Variants in MROH2B observed in about 807,000 individuals in gnomAD.
MROH2B encodes maestro heat like repeat family member 2B.
Under a neutral mutation model 208.6 loss-of-function variants are expected in MROH2B, and 177 were observed. The ratio of observed to expected loss-of-function variants is 0.85; its 90% CI spans 0.75 to 0.96. The LOEUF is 0.96. Among genes scored for constraint, MROH2B ranks in the 40% least tolerant of loss-of-function variants. MROH2B has a pLI of 0.00. For missense variants in MROH2B, 2,002 were observed against 1,878.7 expected (o/e 1.07, Z -1.21); for synonymous variants, 728 against 659.0 (o/e 1.10, Z -1.60).
At chr5:41,032,184 A>G (rs900558320) in intron 24 of MROH2B, among the ~76,000 whole-genome samples, 3 of 152,128 alleles carry the variant, frequency 2.0e-5, no homozygotes, top group Non-Finnish European at 4.4e-5. Flanking sequence ...ACTAGTTTAC[A>G]TTGCCAGCTG....
At chr5:40,998,435 C>T (rs1172745422) in intron 41 of MROH2B, among the ~76,000 whole-genome samples, 177 bp downstream of exon 41, 1 of 152,140 alleles carries the variant, frequency 6.6e-6, no homozygotes, top group Non-Finnish European at 1.5e-5. Flanking sequence ...CTGCAAAGGG[C>T]TGGAGCTGGA....
In MROH2B at chr5:41,036,746, C is replaced by T. The variant is rs150781262; in HGVS notation, c.2214+1990G>A. On this transcript the variant is annotated intron_variant, in intron 21 of 41. Coordinates refer to ENST00000399564, the MANE Select transcript of MROH2B (RefSeq NM_173489.5). Reference sequence around the variant, plus strand: ...TGCTCACTACCTGGGTGCAATACACCCATGCAACAAACCTGCACGTGTACC... The same window carrying T: ...TGCTCACTACCTGGGTGCAATACACTCATGCAACAAACCTGCACGTGTACC... Among the ~76,000 whole-genome samples the T allele has an allele frequency of 3.3e-5, 5 of 151,950 alleles. No homozygotes were observed. The East Asian group carries it at 9.7e-4, about 30-fold the overall frequency.
Position 41,039,575 on chromosome 5 carries a change from G to C in MROH2B, c.1954-20C>G. 6.7e-7 allele frequency: 1 copy of C among 1,485,680 alleles called. No homozygotes were observed. Among genetic ancestry groups the C allele is most frequent in the South Asian group, 1.2e-5 (1 of 80,492 alleles). 92.0% of individuals were successfully genotyped at this position (1,485,680 alleles called of 1,614,324 possible). The stretch of plus-strand genomic sequence containing the variant: ...TATTCCCTAAAATCAGAAAAGGTAT[G>C]ACATTTTGAGTTTAACCATTTATTT... On this transcript the variant is annotated intron_variant, in intron 19 of 41. Coordinates refer to ENST00000399564, the MANE Select transcript of MROH2B (RefSeq NM_173489.5).
chr5:41,001,392 T>C (rs187199154), intron 37 of MROH2B, among the ~76,000 whole-genome samples: 49 of 152,126 alleles, frequency 3.2e-4, no homozygotes, highest in African/African-American at 1.1e-3. Flanking sequence ...TTGTTTTTGG[T>C]CCAGGATGGC....
intron 5 of MROH2B, 103 bp from the exon 6 acceptor site, chr5:41,061,827 G>A (rs1743652178): frequency 4.0e-6 from 5 of 1,253,174 alleles, no homozygotes; most frequent in Non-Finnish European, 5.4e-6. Context: ...AATATGTAAT[G>A]GTTTTTAGAT....
chr5:41,034,103 C>A (rs994789384), intron 21 of MROH2B: 1 of 980,968 alleles, frequency 1.0e-6, no homozygotes, highest in East Asian at 1.1e-4. Flanking sequence ...CTGCAGAAGG[C>A]AGGGTAGAGA....
chr5:41,023,116 A>G (rs1401538755), intron 24 of MROH2B, among the ~76,000 whole-genome samples: 1 of 152,194 alleles, frequency 6.6e-6, no homozygotes, highest in Non-Finnish European at 1.5e-5. Flanking sequence ...AAAAGCTGAA[A>G]ATTCTAAAAA....
intron 16 of MROH2B, 26 bp downstream of exon 16, chr5:41,048,298 A>G (rs1579947408): frequency 6.9e-6 from 11 of 1,583,994 alleles, no homozygotes; most frequent in Non-Finnish European, 8.5e-6. Flanking sequence ...CCCCCTGGGT[A>G]AAGACCTGGC....
At chr5:41,066,987 C>G in intron 3 of MROH2B, 121 bp downstream of exon 3, 1 of 669,204 alleles carries the variant, frequency 1.5e-6, no homozygotes, top group Non-Finnish European at 2.7e-6. Context: ...TCCAAGTTAC[C>G]ACAAAGAACA....
intron 37 of MROH2B, 62 bp downstream of exon 37, chr5:41,004,284 A>C: frequency 6.4e-7 from 1 of 1,561,508 alleles, no homozygotes. Flanking sequence ...TGTGAGCACT[A>C]CCTAAACCTG....
intron 34 of MROH2B, among the ~76,000 whole-genome samples, chr5:41,006,756 G>A (rs1175161348): frequency 6.6e-6 from 1 of 152,152 alleles, no homozygotes. Flanking sequence ...AACATTGTAT[G>A]TTCTGTCTCA....
chr5:41,009,895 G>A, intron 31 of MROH2B, 27 bp downstream of exon 31: 2 of 1,589,330 alleles, frequency 1.3e-6, no homozygotes, highest in Admixed American at 3.5e-5. Flanking sequence ...TTCCCTAGGA[G>A]AAGGAATCAG....
rs769734378 is a variant in MROH2B at position 41,007,378 on chromosome 5, C to T, written c.3685G>A (p.Asp1229Asn). The T allele has an allele frequency of 3.2e-6, 5 of 1,550,948 alleles. No individual in the cohort carries two copies. The South Asian group carries it at 3.6e-5, about 11-fold the overall frequency. ...CTGCTGAGTAGAGTCCATAAGTTGT[C>T]CCCCTCATCAGATTCCTTTGCAAGG... ...EGLAKESDEGDNLWTLLSSPS... is the reference protein window; with the variant it reads ...EGLAKESDEGNNLWTLLSSPS... Residue 1229 changes from aspartate to asparagine, a missense_variant, in exon 34 of 42, where the codon GAC becomes AAC. Physicochemically the swap from Asp to Asn is conservative, Grantham distance 23. Transcript: ENST00000399564.
In MROH2B at chr5:41,055,784, C is replaced by T; in HGVS notation, c.991G>A (p.Val331Met). Residue 331 changes from valine to methionine, a missense_variant, in exon 10 of 42, where the codon GTG becomes ATG. Transcript: ENST00000399564. ...QVRSNNEAIR[V>M]GILTLLRLAV... ...AATCTTAACAAAGTCAAGATTCCCA[C>T]TCGAATGGCTTCATTATTACTTCTT... is the stretch of plus-strand genomic sequence containing the variant. 6.2e-7 allele frequency: 1 copy of T among 1,613,872 alleles called. No individual in the cohort carries two copies. Among genetic ancestry groups the T allele is most frequent in the East Asian group, 2.2e-5 (1 of 44,866 alleles).
chr5:41,069,376 C>G (rs761841644), intron 2 of MROH2B, among the ~76,000 whole-genome samples: 1 of 152,090 alleles, frequency 6.6e-6, no homozygotes, highest in Non-Finnish European at 1.5e-5. Flanking sequence ...TAACAACCCT[C>G]AAATTATAAA....
Position 41,057,187 on chromosome 5 carries a change from G to A in MROH2B, c.850-9C>T, listed in dbSNP as rs1284060834. ...TCTGGAGCTCTGCAGATCTGAATGG[G>A]GGTGGAAATCAGGTGGTAGATGTTA... On this transcript the variant is annotated splice_polypyrimidine_tract_variant and intron_variant, in intron 8 of 41. Coordinates refer to ENST00000399564, the MANE Select transcript of MROH2B (RefSeq NM_173489.5). 1.9e-6 allele frequency: 3 copies of A among 1,613,594 alleles called. No homozygotes were observed. Among genetic ancestry groups the A allele is most frequent in the South Asian group, 2.2e-5 (2 of 91,060 alleles).
chr5:41,062,463 G>C (rs2150181978), intron 5 of MROH2B, among the ~76,000 whole-genome samples: 1 of 152,200 alleles, frequency 6.6e-6, no homozygotes, highest in South Asian at 2.1e-4. Flanking sequence ...CATCAACATG[G>C]ACACTTCTGA....
chr5:41,070,754 A>T, intron 1 of MROH2B, 71 bp downstream of exon 1: 1 of 1,524,112 alleles, frequency 6.6e-7, no homozygotes, highest in South Asian at 1.2e-5. Context: ...CAGCCCTCAT[A>T]TATACTTATA....
chr5:41,024,331 T>C (rs1361325895), intron 24 of MROH2B, among the ~76,000 whole-genome samples: 1 of 151,780 alleles, frequency 6.6e-6, no homozygotes, highest in Admixed American at 6.6e-5. Flanking sequence ...AATAAAGGGA[T>C]GAAGGAAGAT....
Sources: allele counts gnomAD v4.1 joint callset (sites outside exome capture counted in the v4.1 genomes callset), GRCh38; gene constraint gnomAD v4.1.1; transcripts MANE v1.5; gene names NCBI Gene and HGNC (gene_info 2026-07-23, HGNC 2026-07-21).